The following FBXO33 variants were observed in gnomAD, a reference collection of about 807,000 sequenced individuals.
FBXO33 encodes F-box only protein 33.
Under a neutral mutation model 46.3 loss-of-function variants are expected in FBXO33, and 22 were observed. That is an observed-to-expected ratio of 0.48 (90% CI 0.34 to 0.68). FBXO33 has a LOEUF of 0.68. Ranked by LOEUF, FBXO33 falls within the 30% of genes least tolerant of loss-of-function variation. The pLI is 0.01. For missense variants in FBXO33, 692 were observed against 708.8 expected (o/e 0.98, Z 0.27); for synonymous variants, 337 against 291.3 (o/e 1.16, Z -1.60).
chr14:39,424,500 A>T (rs1379483373), intron 1 of FBXO33, among the ~76,000 whole-genome samples: 2 of 128,194 alleles, frequency 1.6e-5, no homozygotes, highest in East Asian at 4.5e-4. Flanking sequence ...TTAGTTTATA[A>T]AAAAAATTAA....
In FBXO33 at chr14:39,399,511, A is replaced by G. The variant is rs2075358711; in HGVS notation, c.*5T>C. ...TAACCACAGGAATTCTACATTAAAA[A>G]AAAGCTAAATGTCTTCACTGAAGCT... On this transcript the variant is annotated 3_prime_UTR_variant, in exon 4 of 4. Transcript: ENST00000298097. The G allele has an allele frequency of 6.2e-7, 1 of 1,601,544 alleles. No homozygotes were observed. Among genetic ancestry groups the G allele is most frequent in the Non-Finnish European group, 8.5e-7 (1 of 1,172,652 alleles).
rs769753176 is a variant in FBXO33, at chr14:39,431,572, C to T, written c.591G>A (p.Arg197=). The T allele has an allele frequency of 1.2e-6, 2 of 1,612,244 alleles. No homozygotes were observed. The highest frequency in any genetic ancestry group is 1.7e-6 in the Non-Finnish European group (2 of 1,180,006). The change falls in exon 1 of 4, where the codon CGG becomes CGA. Residue 197 remains arginine (R), a synonymous_variant. Transcript: ENST00000298097. ...ELVLCVLVSI[R]NNRNLQKFSL... Reference sequence around the variant, plus strand: ...GCTCAGGGCAAGCCTACCTGTTGTTCCGGATGCTGACCAGCACGCAAAGCA... The same window carrying T: ...GCTCAGGGCAAGCCTACCTGTTGTTTCGGATGCTGACCAGCACGCAAAGCA...
intron 1 of FBXO33, among the ~76,000 whole-genome samples, chr14:39,414,552 C>G (rs992526526): frequency 3.9e-5 from 6 of 152,210 alleles, no homozygotes; most frequent in African/African-American, 1.2e-4. Flanking sequence ...GAAGTGCCTT[C>G]CTTATGAAGC....
chr14:39,428,149 A>G (rs549317685), intron 1 of FBXO33, among the ~76,000 whole-genome samples: 1 of 151,954 alleles, frequency 6.6e-6, no homozygotes, highest in African/African-American at 2.4e-5. Flanking sequence ...CCAGAATCTT[A>G]AAAAGAAAAT....
intron 3 of FBXO33, among the ~76,000 whole-genome samples, chr14:39,400,277 G>A (rs995223530): frequency 1.3e-5 from 2 of 152,082 alleles, no homozygotes; most frequent in African/African-American, 4.8e-5. Context: ...TAGCAAATAC[G>A]TAAATTATAA....
intron 1 of FBXO33, among the ~76,000 whole-genome samples, chr14:39,408,388 T>G (rs1423910477): frequency 2.0e-5 from 3 of 152,204 alleles, no homozygotes; most frequent in Non-Finnish European, 4.4e-5. Context: ...GAGAAATGTC[T>G]ATTAGTCTTT....
At chr14:39,403,127 T>A (rs1189407403) in intron 1 of FBXO33, among the ~76,000 whole-genome samples, 1 of 152,148 alleles carries the variant, frequency 6.6e-6, no homozygotes, top group Non-Finnish European at 1.5e-5. Context: ...AGATGATAAT[T>A]ACAATATAAA....
intron 1 of FBXO33, among the ~76,000 whole-genome samples, chr14:39,402,948 C>G (rs925758458): frequency 6.6e-6 from 1 of 152,034 alleles, no homozygotes; most frequent in African/African-American, 2.4e-5. Context: ...GAACAAGGAC[C>G]AGGGTATAAA....
intron 1 of FBXO33, among the ~76,000 whole-genome samples, chr14:39,426,352 T>C (rs557570608): frequency 1.3e-5 from 2 of 152,264 alleles, no homozygotes; most frequent in South Asian, 4.1e-4. Flanking sequence ...GCCTCCATCA[T>C]AGTTCAAGCT....
At chr14:39,422,613 CTG>C in intron 1 of FBXO33, among the ~76,000 whole-genome samples, 1 of 152,328 alleles carries the variant, frequency 6.6e-6, no homozygotes, top group East Asian at 1.9e-4. Context: ...GCTTTCCATG[CTG>C]TGTCTTTTTC....
At chr14:39,420,489 C>T (rs888239590) in intron 1 of FBXO33, among the ~76,000 whole-genome samples, 4 of 152,142 alleles carry the variant, frequency 2.6e-5, no homozygotes, top group South Asian at 2.1e-4. Context: ...AGATCGAGAC[C>T]AACCTGGCTA....
At chr14:39,410,425 T>A (rs959965222) in intron 1 of FBXO33, among the ~76,000 whole-genome samples, 1 of 152,216 alleles carries the variant, frequency 6.6e-6, no homozygotes, top group South Asian at 2.1e-4. Context: ...CTGTCAAATT[T>A]AGTTTGCTAT....
rs778035293 is a variant in FBXO33 at position 39,401,478 on chromosome 14, C to T, written c.1094G>A (p.Arg365Gln). 3.3e-5 allele frequency: 53 copies of T among 1,614,056 alleles called. 1 individual carries two copies. The highest frequency in any genetic ancestry group is 4.2e-5 in the Non-Finnish European group (49 of 1,180,034). Residue 365 changes from arginine to glutamine, a missense_variant, in exon 3 of 4, where the codon CGA (arginine) becomes CAA (glutamine). Coordinates refer to ENST00000298097, the MANE Select transcript of FBXO33 (RefSeq NM_203301.4). Reference protein sequence around the residue: ...PNDEHWKALSRKSTSFRVYIM... With the variant: ...PNDEHWKALSQKSTSFRVYIM... ...ATAGACCCGAAAGCTGGTGCTCTTTCGTGACAGGGCTTTCCAATGCTCATC... is the reference window on the plus strand; with the variant it reads ...ATAGACCCGAAAGCTGGTGCTCTTTTGTGACAGGGCTTTCCAATGCTCATC...
chr14:39,425,301 C>T (rs1234475461), intron 1 of FBXO33, among the ~76,000 whole-genome samples: 2 of 152,238 alleles, frequency 1.3e-5, no homozygotes, highest in South Asian at 2.1e-4. Flanking sequence ...TGTTAAGTTT[C>T]TTTTCATTCC....
chr14:39,407,091 C>A, intron 1 of FBXO33, among the ~76,000 whole-genome samples: 1 of 151,952 alleles, frequency 6.6e-6, no homozygotes, highest in East Asian at 1.9e-4. Context: ...GATACAAGGT[C>A]AATATATAAA....
intron 1 of FBXO33, among the ~76,000 whole-genome samples, chr14:39,423,454 G>A (rs1003136989): frequency 2.0e-5 from 3 of 152,112 alleles, no homozygotes; most frequent in Non-Finnish European, 4.4e-5. Context: ...TACATTAAAT[G>A]CACTAAAAAG....
intron 1 of FBXO33, among the ~76,000 whole-genome samples, chr14:39,412,019 GA>G (rs2075425602): frequency 6.6e-6 from 1 of 152,184 alleles, no homozygotes; most frequent in South Asian, 2.1e-4. Context: ...TGCTTGAGAA[GA>G]ATGTGTATTC....
At position 39,399,475 on chromosome 14, in the gene FBXO33, A is replaced by AC. The variant is rs777209915; in HGVS notation, c.*40dup. The AC allele has an allele frequency of 6.4e-7, 1 of 1,562,954 alleles. No homozygotes were observed. The highest frequency in any genetic ancestry group is 2.2e-5 in the East Asian group (1 of 44,508). On this transcript the variant is annotated 3_prime_UTR_variant, in exon 4 of 4. Coordinates refer to ENST00000298097, the MANE Select transcript of FBXO33 (RefSeq NM_203301.4). ...TGAAAAAAAAACATAATAGGACCCT[A>AC]CTTGCATATGTAACCACAGGAATTC...
intron 3 of FBXO33, among the ~76,000 whole-genome samples, chr14:39,400,741 A>T (rs1418572016): frequency 1.3e-5 from 2 of 152,224 alleles, no homozygotes; most frequent in East Asian, 3.8e-4. Context: ...TATCAATGGA[A>T]CCATCGTTAA....
Sources: gnomAD v4.1 joint callset for allele counts (sites outside exome capture counted in the v4.1 genomes callset) on GRCh38, gnomAD v4.1.1 for gene constraint, MANE v1.5 for transcripts, NCBI Gene and HGNC (gene_info 2026-07-23, HGNC 2026-07-21) for gene names.